BBS12: variants seen among roughly 807,000 people sequenced by gnomAD.
The protein encoded by BBS12 is chaperonin-containing T-complex member BBS12.
In BBS12, 5 loss-of-function variants were observed where a neutral mutation model predicts 5.6. The ratio of observed to expected loss-of-function variants is 0.89; its 90% CI spans 0.46 to 1.86. The LOEUF (loss-of-function observed/expected upper bound fraction) is 1.86, where lower values mean the gene tolerates loss of function less well. Among genes scored for constraint, BBS12 ranks in the 40% most tolerant of loss-of-function variants. The pLI is 0.01. For missense variants in BBS12, 748 were observed against 830.4 expected, an observed-to-expected ratio of 0.90 and a Z score of 1.22; for synonymous variants, 308 against 306.8, an observed-to-expected ratio of 1.00 and a Z score of -0.04.
chr4:122,728,861 T>C (rs546393419), upstream of BBS12: 8 of 152,368 alleles, frequency 5.3e-5, no homozygotes, highest in African/African-American at 1.7e-4. Flanking sequence ...CAAAGACAAC[T>C]TGGTTATCAG....
At chr4:122,739,544 T>C (rs1304060530) in intron 1 of BBS12, among the ~76,000 whole-genome samples, 1 of 152,208 alleles carries the variant, frequency 6.6e-6, no homozygotes, top group Non-Finnish European at 1.5e-5. Flanking sequence ...GCCCTTGAAA[T>C]GTTAAGGCTT....
the BBS12 span, among the ~76,000 whole-genome samples, chr4:122,701,426 A>G: frequency 1.1e-5 from 1 of 91,770 alleles, no homozygotes; most frequent in South Asian, 6.5e-4. Context: ...TACGGATTCA[A>G]GGAGAAAAAT....
At chr4:122,707,972 C>CTTT in the BBS12 span, among the ~76,000 whole-genome samples, 28 of 124,718 alleles carry the variant, frequency 2.2e-4, no homozygotes, top group South Asian at 2.8e-4. Context: ...TTCCTTCCTT[C>CTTT]CTTTCTTTCT....
rs2150738615 is a variant in BBS12 at position 122,744,788 on chromosome 4, G to A, written c.*763G>A. 1 of 167,224 alleles carries A rather than the reference G, an allele frequency of 6.0e-6. No homozygotes were observed. Among genetic ancestry groups the A allele is most frequent in the South Asian group, 2.1e-4 (1 of 4,830 alleles). 10.4% of individuals were successfully genotyped at this position (167,224 alleles called of 1,614,324 possible). The stretch of plus-strand genomic sequence containing the variant: ...CACAGCAGCAGGATGAAGCCAACCT[G>A]CAGTATTAACCTCAGTCCTGTCCCC... On this transcript the variant is annotated 3_prime_UTR_variant, in exon 2 of 2. Coordinates refer to ENST00000314218, the MANE Select transcript of BBS12 (RefSeq NM_152618.3).
rs767887679 is a variant in BBS12 at position 122,743,237 on chromosome 4, G to T, written c.1345G>T (p.Ala449Ser). The T allele has an allele frequency of 8.7e-6, 14 of 1,614,114 alleles. No homozygotes were observed. Among genetic ancestry groups the T allele is most frequent in the East Asian group, 4.5e-5 (2 of 44,904 alleles). Reference protein sequence around the residue: ...GSVMQAFAEAAGAVQVAYITQ... With the variant: ...GSVMQAFAEASGAVQVAYITQ... ...TGTGATGCAGGCTTTTGCAGAGGCT[G>T]CAGGAGCAGTACAGGTGGCCTACAT... The change falls in exon 2 of 2, where the codon GCA becomes TCA. Residue 449 changes from alanine to serine, a missense_variant. Transcript: ENST00000314218.
chr4:122,726,485 C>T, the BBS12 span, among the ~76,000 whole-genome samples: 13 of 152,210 alleles, frequency 8.5e-5, no homozygotes, highest in African/African-American at 2.6e-4. Context: ...GGAAGGTAAA[C>T]TAATACAGCC....
At chr4:122,708,014 TC>T in the BBS12 span, among the ~76,000 whole-genome samples, 3 of 118,198 alleles carry the variant, frequency 2.5e-5, no homozygotes, top group African/African-American at 1.1e-4. Context: ...TTTTTTTCTT[TC>T]CTTTTTTTTT....
chr4:122,727,331 G>A, the BBS12 span, among the ~76,000 whole-genome samples: 32 of 151,902 alleles, frequency 2.1e-4, no homozygotes, highest in African/African-American at 6.3e-4. Flanking sequence ...TGCAAGCTCC[G>A]CCTCCCAGGT....
At chr4:122,736,921 T>C (rs1391445424) in intron 1 of BBS12, among the ~76,000 whole-genome samples, 1 of 152,208 alleles carries the variant, frequency 6.6e-6, no homozygotes, top group Non-Finnish European at 1.5e-5. Context: ...TTACTAAAAC[T>C]TGGAATAGCT....
chr4:122,739,990 G>T (rs1046783944), intron 1 of BBS12, among the ~76,000 whole-genome samples: 8 of 152,208 alleles, frequency 5.3e-5, no homozygotes, highest in African/African-American at 1.4e-4. Context: ...AAGAATGCTG[G>T]CTGGGTGTGG....
At position 122,742,793 on chromosome 4, in the gene BBS12, C is replaced by A. The variant is rs1345092792; in HGVS notation, c.901C>A (p.Gln301Lys). 1.2e-6 allele frequency: 2 copies of A among 1,614,200 alleles called. No homozygotes were observed. The highest frequency in any genetic ancestry group is 1.7e-6 in the Non-Finnish European group (2 of 1,180,028). ...GCAATATCAGAATGCTTGTGTGCAA[C>A]AAGGCAACTGTACAAAACCATTTAT... Reference protein sequence around the residue: ...QLQYQNACVQQGNCTKPFMFD... With the variant: ...QLQYQNACVQKGNCTKPFMFD... Residue 301 changes from glutamine (Q) to lysine (K), a missense_variant, in exon 2 of 2, where the codon CAA (glutamine) becomes AAA (lysine). Gln to Lys is a moderately conservative substitution (Grantham distance 53). Transcript: ENST00000314218.
chr4:122,743,972 C>T lies in BBS12; in HGVS notation c.2080C>T (p.His694Tyr). The T allele has an allele frequency of 6.2e-7, 1 of 1,613,866 alleles. No homozygotes were observed. Among genetic ancestry groups the T allele is most frequent in the Non-Finnish European group, 8.5e-7 (1 of 1,179,876 alleles). ...GACAGACAGTGAAATAATTACTGGA[C>T]ATGGACACACACAGATAAATTCACA... ...LQTDSEIITG[H>Y]GHTQINSQEL... Residue 694 changes from histidine to tyrosine, a missense_variant, in exon 2 of 2, where the codon CAT becomes TAT. By Grantham distance (83) the His-to-Tyr change is moderately conservative. Transcript: ENST00000314218.
chr4:122,721,454 A>G, the BBS12 span, among the ~76,000 whole-genome samples: 1 of 152,238 alleles, frequency 6.6e-6, no homozygotes, highest in Non-Finnish European at 1.5e-5. Flanking sequence ...AGATGCATGT[A>G]ATATTCTATT....
At chr4:122,741,476 C>T (rs1046791050) in intron 1 of BBS12, among the ~76,000 whole-genome samples, 9 of 152,182 alleles carry the variant, frequency 5.9e-5, no homozygotes, top group Admixed American at 3.3e-4. Flanking sequence ...TGAGCCACTG[C>T]GCCCAGCCGC....
intron 1 of BBS12, among the ~76,000 whole-genome samples, chr4:122,733,432 C>A (rs1800736191): frequency 7.0e-6 from 1 of 143,056 alleles, no homozygotes; most frequent in African/African-American, 2.6e-5. Flanking sequence ...CACATCCAGC[C>A]ATTTCCTTGG....
In BBS12 at chr4:122,742,335, C is replaced by T; in HGVS notation, c.443C>T (p.Ser148Phe). 1 of 1,614,108 alleles carries T rather than the reference C, an allele frequency of 6.2e-7. No homozygotes were observed. The highest frequency in any genetic ancestry group is 8.5e-7 in the Non-Finnish European group (1 of 1,180,014). ...TGTATGGACAGCACAAAAACATTTT[C>T]TCAACTTGAAACATTTAGTGTAAGT... Reference protein sequence around the residue: ...FDCMDSTKTFSQLETFSVSLC... With the variant: ...FDCMDSTKTFFQLETFSVSLC... Residue 148 changes from serine to phenylalanine, a missense_variant, in exon 2 of 2, where the codon TCT becomes TTT. By Grantham distance (155) the Ser-to-Phe change is radical. Transcript: ENST00000314218.
intron 1 of BBS12, among the ~76,000 whole-genome samples, chr4:122,736,657 C>T (rs1446932081): frequency 2.0e-5 from 3 of 152,114 alleles, no homozygotes. Flanking sequence ...CATAACAGGA[C>T]ATGCATAGCA....
upstream of BBS12, chr4:122,732,634 C>G (rs1800714136): frequency 6.6e-6 from 1 of 152,422 alleles, no homozygotes; most frequent in Non-Finnish European, 1.5e-5. Flanking sequence ...CTCTCTACTC[C>G]CTACCAATAG....
chr4:122,742,964 C>G lies in BBS12; in HGVS notation c.1072C>G (p.Leu358Val). The G allele has an allele frequency of 6.2e-7, 1 of 1,614,202 alleles. No homozygotes were observed. The highest frequency in any genetic ancestry group is 1.1e-5 in the South Asian group (1 of 91,088). ...GCAGAATCAGCCTGTGCGAATAGTTCTCATTGAGGGTGACCTCACAGAGAA... is the reference window on the plus strand; with the variant it reads ...GCAGAATCAGCCTGTGCGAATAGTTGTCATTGAGGGTGACCTCACAGAGAA... ...ELQNQPVRIVLIEGDLTENYR... is the reference protein window; with the variant it reads ...ELQNQPVRIVVIEGDLTENYR... The change falls in exon 2 of 2, where the codon CTC (leucine) becomes GTC (valine). Residue 358 changes from leucine to valine, a missense_variant. Physicochemically the swap from Leu to Val is conservative, Grantham distance 32. Coordinates refer to ENST00000314218, the MANE Select transcript of BBS12 (RefSeq NM_152618.3).
Sources: gnomAD v4.1 joint callset for allele counts (sites outside exome capture counted in the v4.1 genomes callset) on GRCh38, gnomAD v4.1.1 for gene constraint, MANE v1.5 for transcripts, NCBI Gene and HGNC (gene_info 2026-07-23, HGNC 2026-07-21) for gene names.